The following TLN2 variants were observed in gnomAD, a reference collection of about 807,000 sequenced individuals.
TLN2 encodes talin 2.
In TLN2, 118 loss-of-function variants were observed where a neutral mutation model predicts 294.7. The observed-to-expected ratio is 0.40, with a 90% CI of 0.34 to 0.47. The LOEUF (loss-of-function observed/expected upper bound fraction) is 0.47. TLN2 is among the 20% of genes least tolerant of loss of function. The probability of loss-of-function intolerance (pLI) is 0.84; values close to 1 mark genes in which losing one functional copy is unlikely to be tolerated. For synonymous variants in TLN2, 1,431 were observed against 1,304.5 expected (o/e 1.10, Z -2.09); for missense variants, 3,083 against 3,282.2 (o/e 0.94, Z 1.48).
At chr15:62,643,792 C>A (rs1288873271) in intron 3 of TLN2, among the ~76,000 whole-genome samples, 1 of 152,088 alleles carries the variant, frequency 6.6e-6, no homozygotes, top group East Asian at 1.9e-4. Flanking sequence ...ACCCAGGGTC[C>A]TTTCCGTGAA....
At chr15:62,634,152 A>C (rs1045283141) in intron 3 of TLN2, among the ~76,000 whole-genome samples, 1 of 152,214 alleles carries the variant, frequency 6.6e-6, no homozygotes, top group African/African-American at 2.4e-5. Flanking sequence ...AAGAAACACA[A>C]TTCAGCCCAT....
At chr15:62,628,400 G>T (rs1259107074) in intron 3 of TLN2, among the ~76,000 whole-genome samples, 1 of 152,230 alleles carries the variant, frequency 6.6e-6, no homozygotes, top group Non-Finnish European at 1.5e-5. Context: ...TTACACAGGA[G>T]CAAAAGTGTA....
intron 1 of TLN2, among the ~76,000 whole-genome samples, chr15:62,410,597 T>C (rs1257206698): frequency 6.6e-6 from 1 of 152,242 alleles, no homozygotes; most frequent in Non-Finnish European, 1.5e-5. Context: ...AAAACTGTTC[T>C]TTGTGCATTC....
In TLN2 at chr15:62,698,816, C is replaced by G; in HGVS notation, c.1536C>G (p.Ala512=). The change falls in exon 16 of 59, where the codon GCC becomes GCG. Residue 512 remains alanine (A), a synonymous_variant. Transcript: ENST00000636159. ...INTSMHAVQQ[A]QDDLSELDSL... ...CAAGCATGCACGCCGTCCAGCAGGC[C>G]CAGGATGATCTCAGTGAGCTCGACT... 6.2e-7 allele frequency: 1 copy of G among 1,612,912 alleles called. No individual in the cohort carries two copies. Among genetic ancestry groups the G allele is most frequent in the Non-Finnish European group, 8.5e-7 (1 of 1,180,032 alleles).
chr15:62,751,397 T>C (rs1169327263), intron 34 of TLN2, among the ~76,000 whole-genome samples: 2 of 152,350 alleles, frequency 1.3e-5, no homozygotes, highest in East Asian at 3.9e-4. Flanking sequence ...TTTTATGGAA[T>C]TATGGATTGT....
At chr15:62,464,838 A>T (rs910882745) in intron 1 of TLN2, among the ~76,000 whole-genome samples, 1 of 152,098 alleles carries the variant, frequency 6.6e-6, no homozygotes, top group African/African-American at 2.4e-5. Context: ...CTCACTCTGC[A>T]TTTTTGCCAT....
At chr15:62,566,818 A>C (rs1319310930) in intron 1 of TLN2, among the ~76,000 whole-genome samples, 3 of 151,736 alleles carry the variant, frequency 2.0e-5, no homozygotes, top group African/African-American at 7.3e-5. Context: ...CTTTCAAAGC[A>C]CTGGGATTAT....
rs140087396 is a variant in TLN2 at position 62,763,602 on chromosome 15, C to T, written c.5001C>T (p.Ile1667=). Residue 1667 remains isoleucine (I), a synonymous_variant, in exon 40 of 59, where the codon ATC becomes ATT. Coordinates refer to ENST00000636159, the MANE Select transcript of TLN2 (RefSeq NM_015059.3). ...APGQRECDYS[I]DGINRCIRDI... ...GACAGAGGGAGTGTGATTACTCCAT[C>T]GATGGCATCAACCGGTGCATCCGGG... 20 of 1,613,600 alleles carry T rather than the reference C, an allele frequency of 1.2e-5. No homozygotes were observed. The highest frequency in any genetic ancestry group is 9.3e-5 in the African/African-American group (7 of 74,910).
rs112637191 is a variant in TLN2, at chr15:62,773,821, C to G, written c.5367+2687C>G. Reference sequence around the variant, plus strand: ...AATGAAGGTAATTATGAATACCTCCCTAAGGTACTGGTAGAGACTAAATGA... The same window carrying G: ...AATGAAGGTAATTATGAATACCTCCGTAAGGTACTGGTAGAGACTAAATGA... On this transcript the variant is annotated intron_variant, in intron 42 of 58. Coordinates refer to ENST00000636159, the MANE Select transcript of TLN2 (RefSeq NM_015059.3). Among the ~76,000 whole-genome samples, 493 of 152,268 alleles carry G rather than the reference C, an allele frequency of 3.2e-3. 4 individuals are homozygous for G. Among genetic ancestry groups the G allele is most frequent in the Non-Finnish European group, 4.7e-3 (319 of 68,026 alleles).
At chr15:62,511,324 C>A (rs544206959) in intron 1 of TLN2, among the ~76,000 whole-genome samples, 1 of 152,176 alleles carries the variant, frequency 6.6e-6, no homozygotes, top group Non-Finnish European at 1.5e-5. Flanking sequence ...CCATACTTTT[C>A]CATGAAAATT....
chr15:62,676,968 G>A (rs1246010064), intron 11 of TLN2, among the ~76,000 whole-genome samples: 1 of 152,150 alleles, frequency 6.6e-6, no homozygotes, highest in African/African-American at 2.4e-5. Flanking sequence ...ATTCAGTGGG[G>A]GCCATAAGGC....
chr15:62,740,894 G>C (rs2061286874), intron 32 of TLN2, 125 bp downstream of exon 32: 1 of 1,260,976 alleles, frequency 7.9e-7, no homozygotes, highest in African/African-American at 1.5e-5. Flanking sequence ...GGTCATGGGA[G>C]GTGGAGCTGA....
intron 14 of TLN2, among the ~76,000 whole-genome samples, chr15:62,697,432 T>G (rs2058424551): frequency 1.3e-5 from 2 of 152,214 alleles, no homozygotes; most frequent in East Asian, 3.8e-4. Flanking sequence ...AACAACTAAT[T>G]GCATAATACC....
chr15:62,663,991 A>G (rs1448478097), intron 9 of TLN2, among the ~76,000 whole-genome samples: 2 of 152,052 alleles, frequency 1.3e-5, no homozygotes, highest in South Asian at 4.1e-4. Flanking sequence ...TTGAAGATAT[A>G]TGAAGGACTC....
In TLN2 at chr15:62,702,131, C is replaced by T. The variant is rs1440387928; in HGVS notation, c.1836C>T (p.Leu612=). ...AGGTGGGCAGCGGGGAGGACTTGCT[C>T]AGAGCTGCCAGGACCCTCGCTGGGG... The part of the protein sequence containing the change: ...DDEVGSGEDL[L]RAARTLAGAV... The change falls in exon 18 of 59, where the codon CTC becomes CTT. Residue 612 remains leucine, a synonymous_variant. Transcript: ENST00000636159. The T allele has an allele frequency of 1.2e-5, 20 of 1,613,764 alleles. No individual in the cohort carries two copies. In the Admixed American group the frequency reaches 2.2e-4, roughly 17 times the overall value.
chr15:62,783,298 C>G (rs1398592007), intron 44 of TLN2, among the ~76,000 whole-genome samples: 7 of 152,246 alleles, frequency 4.6e-5, no homozygotes, highest in Non-Finnish European at 8.8e-5. Context: ...GGACCTGCTT[C>G]AGGGCACCCA....
At chr15:62,547,373 G>A (rs1286257031) in intron 1 of TLN2, among the ~76,000 whole-genome samples, 1 of 152,166 alleles carries the variant, frequency 6.6e-6, no homozygotes, top group African/African-American at 2.4e-5. Context: ...TGGCTCGTAT[G>A]TGAACACACA....
At chr15:62,417,699 G>T (rs2034166641) in intron 1 of TLN2, among the ~76,000 whole-genome samples, 2 of 152,202 alleles carry the variant, frequency 1.3e-5, no homozygotes, top group Non-Finnish European at 2.9e-5. Context: ...CAGGGCTACA[G>T]GCTCTGGTGG....
intron 1 of TLN2, among the ~76,000 whole-genome samples, chr15:62,464,642 C>T (rs1281575055): frequency 2.6e-5 from 4 of 151,776 alleles, no homozygotes; most frequent in Non-Finnish European, 5.9e-5. Flanking sequence ...CTTCAGTCTA[C>T]TAGGGTACCC....
Sources: gnomAD v4.1 joint callset for allele counts (sites outside exome capture counted in the v4.1 genomes callset) on GRCh38, gnomAD v4.1.1 for gene constraint, MANE v1.5 for transcripts, NCBI Gene and HGNC (gene_info 2026-07-23, HGNC 2026-07-21) for gene names.